Variants in CDC5L observed in about 807,000 individuals in gnomAD.
CDC5L encodes cell division cycle 5 like, also known as cell division cycle 5-like protein.
CDC5L carries 18 observed loss-of-function variants against 104.1 expected under a neutral mutation model. That is an observed-to-expected ratio of 0.17 (90% CI 0.12 to 0.26). The LOEUF is 0.26. Among genes scored for constraint, CDC5L ranks in the 10% least tolerant of loss-of-function variants. The pLI is 1.00. For synonymous variants in CDC5L, 331 were observed against 322.7 expected, an observed-to-expected ratio of 1.03 and a Z score of -0.28; for missense variants, 673 against 956.9, an observed-to-expected ratio of 0.70 and a Z score of 3.91.
Position 44,424,406 on chromosome 6 carries a change from T to C in CDC5L, c.1405-13T>C, listed in dbSNP as rs372114684. ...ATATGCATGAATTGAGAAGGACCAC[T>C]TCTTTTCTACAGGAAAGAGAATCCC... On this transcript the variant is annotated splice_polypyrimidine_tract_variant and intron_variant, in intron 10 of 15. Coordinates refer to ENST00000371477, the MANE Select transcript of CDC5L (RefSeq NM_001253.4). The C allele has an allele frequency of 2.5e-6, 4 of 1,608,472 alleles. No homozygotes were observed. The highest frequency in any genetic ancestry group is 3.4e-6 in the Non-Finnish European group (4 of 1,176,484).
At chr6:44,437,337 C>T (rs1180071512) in intron 14 of CDC5L, among the ~76,000 whole-genome samples, 1 of 152,020 alleles carries the variant, frequency 6.6e-6, no homozygotes, top group African/African-American at 2.4e-5. Context: ...CATGCAGATA[C>T]CCTCCTTTGT....
At chr6:44,402,960 A>G (rs1402299665) in intron 5 of CDC5L, among the ~76,000 whole-genome samples, 1 of 152,210 alleles carries the variant, frequency 6.6e-6, no homozygotes, top group Non-Finnish European at 1.5e-5. Context: ...TGCTTAGTGA[A>G]CAGCTTTGTA....
chr6:44,436,676 G>C (rs1327783937), intron 14 of CDC5L, among the ~76,000 whole-genome samples: 1 of 152,100 alleles, frequency 6.6e-6, no homozygotes. Flanking sequence ...ACCCAGCTAT[G>C]ACAGTCATCA....
intron 5 of CDC5L, among the ~76,000 whole-genome samples, chr6:44,402,515 C>T (rs912648946): frequency 2.0e-5 from 3 of 152,162 alleles, no homozygotes; most frequent in African/African-American, 7.2e-5. Flanking sequence ...GTTCCTCATG[C>T]TGTCATGCTG....
At chr6:44,388,193 C>G (rs554086382) in intron 1 of CDC5L, among the ~76,000 whole-genome samples, 8 of 134,730 alleles carry the variant, frequency 5.9e-5, no homozygotes, top group African/African-American at 1.9e-4. Context: ...AGAGTTCCAA[C>G]TCAGCCAGAG....
intron 5 of CDC5L, among the ~76,000 whole-genome samples, chr6:44,396,772 A>C (rs539483278): frequency 6.6e-6 from 1 of 152,056 alleles, no homozygotes; most frequent in Non-Finnish European, 1.5e-5. Flanking sequence ...GGTTCCATTC[A>C]TCTGCTAGAG....
chr6:44,422,288 C>T (rs1411701064), intron 9 of CDC5L, among the ~76,000 whole-genome samples: 1 of 152,196 alleles, frequency 6.6e-6, no homozygotes, highest in African/African-American at 2.4e-5. Context: ...ACACAAAACT[C>T]AAAGAGTCAT....
At chr6:44,396,524 GTT>G (rs75189350) in intron 5 of CDC5L, 84 bp downstream of exon 5, 2,997 of 575,840 alleles carry the variant, frequency 5.2e-3, no homozygotes, top group East Asian at 8.5e-3. Flanking sequence ...CAGATATGTG[GTT>G]TTTTTTTTTT....
chr6:44,413,702 G>T (rs919760734), intron 8 of CDC5L, among the ~76,000 whole-genome samples: 1 of 152,028 alleles, frequency 6.6e-6, no homozygotes, highest in African/African-American at 2.4e-5. Context: ...TCCCAACTTG[G>T]CCTCCCGAGT....
chr6:44,426,341 T>C, intron 12 of CDC5L, 141 bp from the exon 13 acceptor site: 1 of 755,180 alleles, frequency 1.3e-6, no homozygotes, highest in Admixed American at 2.9e-5. Flanking sequence ...GTTTCAGTAG[T>C]ACCAGAAAGA....
chr6:44,446,810 C>T lies in CDC5L; in HGVS notation c.*99C>T, dbSNP rs189604170. On this transcript the variant is annotated 3_prime_UTR_variant, in exon 16 of 16. Transcript: ENST00000371477. ...TATCTTCATTGACAAATTTACCCAC[C>T]ATCTGTGGTTTTTCAGTTGTTTATT... 1.6e-6 allele frequency: 1 copy of T among 615,536 alleles called. No individual in the cohort carries two copies. The highest frequency in any genetic ancestry group is 1.9e-5 in the African/African-American group (1 of 53,134). The allele number at this position is 615,536 out of a possible 1,614,324, so 38.1% of individuals were successfully genotyped here.
intron 14 of CDC5L, 90 bp from the exon 15 acceptor site, chr6:44,445,565 C>T: frequency 3.7e-6 from 3 of 804,966 alleles, no homozygotes; most frequent in Non-Finnish European, 6.0e-6. Context: ...CTTTGAGACA[C>T]ATACATGAAC....
At chr6:44,429,945 A>T in intron 14 of CDC5L, 35 bp downstream of exon 14, 1 of 1,526,418 alleles carries the variant, frequency 6.6e-7, no homozygotes, top group Non-Finnish European at 9.0e-7. Context: ...TTTTAAATGT[A>T]CTTTGATTGA....
At chr6:44,405,319 T>C (rs982579868) in intron 6 of CDC5L, among the ~76,000 whole-genome samples, 1 of 152,210 alleles carries the variant, frequency 6.6e-6, no homozygotes, top group African/African-American at 2.4e-5. Flanking sequence ...ATGTACTCCA[T>C]TGTATTTATT....
intron 14 of CDC5L, among the ~76,000 whole-genome samples, chr6:44,441,470 A>G (rs935036932): frequency 1.3e-4 from 20 of 152,240 alleles, no homozygotes; most frequent in African/African-American, 4.1e-4. Flanking sequence ...TTGGATATGT[A>G]TAGCCAGAAG....
intron 14 of CDC5L, among the ~76,000 whole-genome samples, chr6:44,443,324 T>G (rs978549484): frequency 6.6e-6 from 1 of 152,054 alleles, no homozygotes; most frequent in African/African-American, 2.4e-5. Flanking sequence ...GTGATGTGTC[T>G]TGGTGGGTCT....
At chr6:44,423,525 G>A (rs971662941) in intron 10 of CDC5L, among the ~76,000 whole-genome samples, 2 of 152,320 alleles carry the variant, frequency 1.3e-5, no homozygotes, top group East Asian at 1.9e-4. Context: ...AGTTAAAGAA[G>A]GGAATAGTCA....
chr6:44,446,512 G>C (rs1057416361), intron 15 of CDC5L, 95 bp from the exon 16 acceptor site: 1 of 534,730 alleles, frequency 1.9e-6, no homozygotes, highest in Non-Finnish European at 3.2e-6. Context: ...TAAGAATCAT[G>C]ATTTAACTCA....
intron 14 of CDC5L, among the ~76,000 whole-genome samples, chr6:44,445,176 T>C (rs1481140406): frequency 6.6e-6 from 1 of 152,120 alleles, no homozygotes; most frequent in Non-Finnish European, 1.5e-5. Flanking sequence ...AGACTTGCAC[T>C]AGATCCCTCA....
Sources: gnomAD v4.1 joint callset for allele counts (sites outside exome capture counted in the v4.1 genomes callset) on GRCh38, gnomAD v4.1.1 for gene constraint, MANE v1.5 for transcripts, NCBI Gene and HGNC (gene_info 2026-07-23, HGNC 2026-07-21) for gene names.